Variants in TIPRL observed in about 807,000 individuals in gnomAD.
TIPRL encodes the protein TIP41-like protein.
Under a neutral mutation model 32.3 loss-of-function variants are expected in TIPRL, and 10 were observed. The observed-to-expected ratio is 0.31, with a 90% CI of 0.19 to 0.52. The LOEUF is 0.52. Among genes scored for constraint, TIPRL ranks in the 20% least tolerant of loss-of-function variants. TIPRL has a pLI of 0.96. For missense variants in TIPRL, 250 were observed against 328.1 expected (o/e 0.76, Z 1.84); for synonymous variants, 100 against 114.0 (o/e 0.88, Z 0.78).
rs769267756 is a variant in TIPRL at position 168,191,388 on chromosome 1, A to C, written c.404A>C (p.His135Pro). The C allele has an allele frequency of 6.5e-7, 1 of 1,534,760 alleles. No individual in the cohort carries two copies. Among genetic ancestry groups the C allele is most frequent in the South Asian group, 1.3e-5 (1 of 76,106 alleles). The change falls in exon 4 of 7, where the codon CAT (histidine) becomes CCT (proline). Residue 135 changes from histidine to proline, a missense_variant. Transcript: ENST00000367833. ...LKLKVVPTTDHIDTEKLKARE... is the reference protein window; with the variant it reads ...LKLKVVPTTDPIDTEKLKARE... ...TTTCAGGTTGTACCTACAACAGATC[A>C]TATAGATACAGAAAAATTGAAAGCC...
At chr1:168,180,932 G>A (rs1031844679) in intron 1 of TIPRL, among the ~76,000 whole-genome samples, 1 of 150,718 alleles carries the variant, frequency 6.6e-6, no homozygotes, top group African/African-American at 2.4e-5. Context: ...CCAAAGTGCC[G>A]GGATTACAGG....
At chr1:168,187,760 C>T (rs528985502) in intron 3 of TIPRL, among the ~76,000 whole-genome samples, 10 of 152,160 alleles carry the variant, frequency 6.6e-5, no homozygotes, top group South Asian at 6.2e-4. Flanking sequence ...ATCACTTGAG[C>T]TCAGGAGTTC....
At chr1:168,186,259 G>A (rs1394692321) in intron 3 of TIPRL, among the ~76,000 whole-genome samples, 2 of 152,114 alleles carry the variant, frequency 1.3e-5, no homozygotes. Context: ...ACTTTGCGAG[G>A]CCAAGGAGGG....
chr1:168,190,152 G>C (rs1020246100), intron 3 of TIPRL, among the ~76,000 whole-genome samples: 1 of 152,048 alleles, frequency 6.6e-6, no homozygotes, highest in Non-Finnish European at 1.5e-5. Context: ...TAAACTTAAT[G>C]TGTGATGCAG....
intron 2 of TIPRL, 49 bp downstream of exon 2, chr1:168,184,130 C>T (rs1331512049): frequency 9.8e-6 from 15 of 1,529,170 alleles, no homozygotes; most frequent in Non-Finnish European, 1.2e-5. Flanking sequence ...TTAGGTTAAA[C>T]AAAAGAGAAA....
chr1:168,183,690 C>T (rs1256077327), intron 1 of TIPRL, among the ~76,000 whole-genome samples: 2 of 151,792 alleles, frequency 1.3e-5, no homozygotes, highest in African/African-American at 2.4e-5. Flanking sequence ...GTATATTTAT[C>T]TTATTTAGCC....
At chr1:168,183,452 A>G (rs942132807) in intron 1 of TIPRL, among the ~76,000 whole-genome samples, 2 of 145,614 alleles carry the variant, frequency 1.4e-5, no homozygotes, top group African/African-American at 5.2e-5. Context: ...AAGTCTGTGT[A>G]GGCAAGTGCT....
chr1:168,197,788 A>G (rs968462488), intron 5 of TIPRL, among the ~76,000 whole-genome samples: 1 of 152,170 alleles, frequency 6.6e-6, no homozygotes, highest in Non-Finnish European at 1.5e-5. Context: ...CGGCCTCCCA[A>G]AGTGCTGGGA....
chr1:168,196,297 C>T (rs1344621953), intron 4 of TIPRL, among the ~76,000 whole-genome samples: 1 of 152,044 alleles, frequency 6.6e-6, no homozygotes, highest in East Asian at 1.9e-4. Flanking sequence ...GTCTTTTAAA[C>T]CTCAATATCT....
intron 1 of TIPRL, among the ~76,000 whole-genome samples, chr1:168,181,347 G>A (rs1558161498): frequency 6.6e-6 from 1 of 151,724 alleles, no homozygotes; most frequent in Non-Finnish European, 1.5e-5. Context: ...AAGTAGCTGG[G>A]ATTACAGGCA....
At chr1:168,183,834 G>A (rs1699995766) in intron 1 of TIPRL, 68 bp from the exon 2 acceptor site, 7 of 1,506,840 alleles carry the variant, frequency 4.6e-6, no homozygotes, top group African/African-American at 1.4e-5. Flanking sequence ...ATTCTGTTGG[G>A]ATGGAAAAGA....
At chr1:168,192,083 T>A in intron 4 of TIPRL, 1 of 1,151,712 alleles carries the variant, frequency 8.7e-7, no homozygotes. Context: ...TGTGGCTTAA[T>A]TTTCACATTT....
rs1247075413 is a variant in TIPRL at position 168,200,314 on chromosome 1, GTGA to G, written c.*271_*273del. On this transcript the variant is annotated 3_prime_UTR_variant, in exon 7 of 7. Transcript: ENST00000367833. ...ATCACAAAGTGGGACCTCAGCAGTAGTGATGTGTGTGTCTCATGAGCAGTGAGC... is the reference window on the plus strand; with the variant it reads ...ATCACAAAGTGGGACCTCAGCAGTAGTGTGTGTGTCTCATGAGCAGTGAGC... 1 of 334,208 alleles carries G rather than the reference GTGA, an allele frequency of 3.0e-6. No individual in the cohort carries two copies. Among genetic ancestry groups the G allele is most frequent in the Admixed American group, 4.5e-5 (1 of 22,186 alleles). 20.7% of individuals were successfully genotyped at this position (334,208 alleles called of 1,614,324 possible). A position where few individuals can be genotyped will look rare whatever the true frequency, so the allele number is the denominator to read the frequency against.
intron 4 of TIPRL, chr1:168,192,347 C>A: frequency 1.0e-6 from 1 of 992,220 alleles, no homozygotes; most frequent in Non-Finnish European, 1.2e-6. Flanking sequence ...GAGCAAGACT[C>A]CGTCTCAAAA....
At chr1:168,188,340 ACTT>A (rs1700053720) in intron 3 of TIPRL, among the ~76,000 whole-genome samples, 1 of 152,140 alleles carries the variant, frequency 6.6e-6, no homozygotes, top group South Asian at 2.1e-4. Context: ...AGCTCTGCAA[ACTT>A]CTTCTGTAAA....
intron 1 of TIPRL, among the ~76,000 whole-genome samples, chr1:168,183,385 T>TTTTTTG (rs1472950963): frequency 6.6e-6 from 1 of 150,928 alleles, no homozygotes; most frequent in Non-Finnish European, 1.5e-5. Flanking sequence ...TGATTTTTTT[T>TTTTTTG]TTTTTTTGCT....
chr1:168,182,400 T>G (rs1428327141), intron 1 of TIPRL, among the ~76,000 whole-genome samples: 1 of 151,932 alleles, frequency 6.6e-6, no homozygotes, highest in Non-Finnish European at 1.5e-5. Context: ...CCGAGGCAGG[T>G]GGATCACCTG....
intron 3 of TIPRL, among the ~76,000 whole-genome samples, chr1:168,186,034 T>G (rs1404621231): frequency 8.9e-6 from 1 of 112,272 alleles, no homozygotes; most frequent in Non-Finnish European, 1.7e-5. Context: ...GAGATCACAC[T>G]ACTGCACTCC....
rs569050611 is a variant in TIPRL at position 168,201,816 on chromosome 1, T to C, written c.*1770T>C. 4 of 110,098 alleles carry C rather than the reference T, an allele frequency of 3.6e-5. No homozygotes were observed. In the East Asian group the frequency reaches 7.9e-4, roughly 22 times the overall value. The allele number at this position is 110,098 out of a possible 1,614,324, so 6.8% of individuals were successfully genotyped here. On this transcript the variant is annotated 3_prime_UTR_variant, in exon 7 of 7. Coordinates refer to ENST00000367833, the MANE Select transcript of TIPRL (RefSeq NM_152902.5). ...GTGTGTGTGTGTGTGTATACAGACATTTTTTTTTTAACTTGTTGATTCAGA... is the reference window on the plus strand; with the variant it reads ...GTGTGTGTGTGTGTGTATACAGACACTTTTTTTTTAACTTGTTGATTCAGA...
Sources: allele counts gnomAD v4.1 joint callset (sites outside exome capture counted in the v4.1 genomes callset), GRCh38; gene constraint gnomAD v4.1.1; transcripts MANE v1.5; gene names NCBI Gene and HGNC (gene_info 2026-07-23, HGNC 2026-07-21).